The following DCBLD1 variants were observed in gnomAD, a reference collection of about 807,000 sequenced individuals.
DCBLD1 encodes discoidin, CUB and LCCL domain-containing protein 1.
A neutral mutation model predicts 71.5 loss-of-function variants in DCBLD1; 57 were observed. The ratio of observed to expected loss-of-function variants is 0.80; its 90% CI spans 0.64 to 0.99. The LOEUF is 0.99. Among genes scored for constraint, DCBLD1 ranks in the 50% least tolerant of loss-of-function variants. The pLI is 0.00. For missense variants in DCBLD1, 891 were observed against 923.5 expected, an observed-to-expected ratio of 0.96 and a Z score of 0.46; for synonymous variants, 380 against 363.8, an observed-to-expected ratio of 1.04 and a Z score of -0.51.
chr6:117,519,897 C>T lies in DCBLD1; in HGVS notation c.407C>T (p.Ser136Phe). The T allele has an allele frequency of 1.2e-6, 2 of 1,614,132 alleles. No individual in the cohort carries two copies. Among genetic ancestry groups the T allele is most frequent in the Non-Finnish European group, 1.7e-6 (2 of 1,180,002 alleles). The change falls in exon 3 of 15, where the codon TCC becomes TTC. Residue 136 changes from serine (S) to phenylalanine (F), a missense_variant. Transcript: ENST00000338728. ...SEVTVRFESG[S>F]HISGRGFLLT... Reference sequence around the variant, plus strand: ...GTAACCGTCCGCTTTGAGAGTGGATCCCACATTTCTGGCCGGGGTTTTTTG... The same window carrying T: ...GTAACCGTCCGCTTTGAGAGTGGATTCCACATTTCTGGCCGGGGTTTTTTG...
intron 2 of DCBLD1, among the ~76,000 whole-genome samples, chr6:117,511,990 CAGAA>C (rs747155705): frequency 6.6e-6 from 1 of 152,152 alleles, no homozygotes; most frequent in Non-Finnish European, 1.5e-5. Flanking sequence ...AGATAGAATT[CAGAA>C]AGAATCTTGA....
intron 14 of DCBLD1, among the ~76,000 whole-genome samples, chr6:117,567,649 A>G (rs1644412331): frequency 6.6e-6 from 1 of 152,070 alleles, no homozygotes; most frequent in African/African-American, 2.4e-5. Context: ...ACTAATAGTA[A>G]TTACTATATT....
chr6:117,544,446 A>G (rs1779198644), intron 12 of DCBLD1, 82 bp from the exon 13 acceptor site: 10 of 1,440,580 alleles, frequency 6.9e-6, no homozygotes, highest in East Asian at 4.6e-5. Flanking sequence ...GGTAAGTACT[A>G]TTATGATCCT....
intron 5 of DCBLD1, among the ~76,000 whole-genome samples, chr6:117,530,513 G>C (rs11759243): frequency 6.6e-6 from 1 of 152,142 alleles, no homozygotes; most frequent in African/African-American, 2.4e-5. Flanking sequence ...TGTGTGGCCC[G>C]GTTCCTAACA....
Position 117,538,747 on chromosome 6 carries a change from C to T in DCBLD1, c.888C>T (p.Gly296=), listed in dbSNP as rs745333307. 3.7e-6 allele frequency: 6 copies of T among 1,614,154 alleles called. No individual in the cohort carries two copies. The Admixed American group carries it at 1.0e-4, about 27-fold the overall frequency. The change falls in exon 8 of 15, where the codon GGC becomes GGT. Residue 296 remains glycine (G), a synonymous_variant. Transcript: ENST00000338728. Reference sequence around the variant, plus strand: ...GCCAAGCCCGACTTCAGGACCAAGGCCCATCATGGGCTTCGGGCGACAGTA... The same window carrying T: ...GCCAAGCCCGACTTCAGGACCAAGGTCCATCATGGGCTTCGGGCGACAGTA... ...SPGQARLQDQ[G]PSWASGDSSN...
chr6:117,507,323 A>G (rs1777875941), intron 2 of DCBLD1, among the ~76,000 whole-genome samples: 1 of 152,250 alleles, frequency 6.6e-6, no homozygotes, highest in African/African-American at 2.4e-5. Flanking sequence ...CAACTTTCAC[A>G]GTAATCCAGC....
intron 2 of DCBLD1, among the ~76,000 whole-genome samples, chr6:117,515,273 T>C (rs9374666): frequency 0.096 from 14,605 of 151,792 alleles, 1,887 homozygotes; most frequent in African/African-American, 0.29. Context: ...CCGCTCACCT[T>C]GGCCTCCCAC....
chr6:117,527,739 CTT>C (rs760204425), intron 5 of DCBLD1, among the ~76,000 whole-genome samples: 2 of 151,890 alleles, frequency 1.3e-5, no homozygotes, highest in African/African-American at 2.4e-5. Flanking sequence ...GATAGACTGT[CTT>C]TGTGTGGGAA....
rs537986385 is a variant in DCBLD1 at position 117,516,156 on chromosome 6, A to G, written c.326-3660A>G. On this transcript the variant is annotated intron_variant, in intron 2 of 14. Transcript: ENST00000338728. ...ATCACGAGGTCCGGAGATCGAGACT[A>G]TACTGGCTAACACAGTGAAACCCCA... Among the ~76,000 whole-genome samples, 14 of 151,818 alleles carry G rather than the reference A, an allele frequency of 9.2e-5. 1 individual carries two copies. The highest frequency in any genetic ancestry group is 2.0e-4 in the Admixed American group (3 of 15,236).
intron 2 of DCBLD1, among the ~76,000 whole-genome samples, chr6:117,510,269 G>A (rs949441117): frequency 2.6e-5 from 4 of 151,530 alleles, no homozygotes; most frequent in African/African-American, 7.3e-5. Context: ...AGTCGTTGAT[G>A]TTATTCCTTC....
chr6:117,487,108 G>A (rs1777115461), intron 1 of DCBLD1, among the ~76,000 whole-genome samples: 1 of 152,126 alleles, frequency 6.6e-6, no homozygotes. Flanking sequence ...TGCCAAAAAG[G>A]TTGGTGACCA....
At chr6:117,494,743 G>A (rs951695184) in intron 1 of DCBLD1, 1 of 152,092 alleles carries the variant, frequency 6.6e-6, no homozygotes, top group African/African-American at 2.4e-5. Context: ...TATAACTTCA[G>A]TATCATTTTT....
intron 1 of DCBLD1, among the ~76,000 whole-genome samples, chr6:117,502,498 G>A (rs1481588374): frequency 6.6e-6 from 1 of 151,922 alleles, no homozygotes; most frequent in African/African-American, 2.4e-5. Context: ...TTACCATTTG[G>A]CCCCAACACC....
At position 117,548,277 on chromosome 6, in the gene DCBLD1, CA is replaced by C; in HGVS notation, c.1987del (p.Arg663GlyfsTer49). ...GGCCACACAGCGCACAGCCTGCGGACAGGGGCTACGACCGGCCCAAAGCTGT... is the reference window on the plus strand; with the variant it reads ...GGCCACACAGCGCACAGCCTGCGGACGGGGCTACGACCGGCCCAAAGCTGT... The part of the protein sequence containing the change: ...QRPHSAQPAD[R>X]GYDRPKAVSA... On this transcript the variant is annotated frameshift_variant, in exon 15 of 15. Coordinates refer to ENST00000338728, the MANE Select transcript of DCBLD1 (RefSeq NM_001366458.2). LOFTEE classifies it low-confidence loss of function (END_TRUNC). The C allele has an allele frequency of 6.4e-7, 1 of 1,550,664 alleles. No homozygotes were observed. Among genetic ancestry groups the C allele is most frequent in the South Asian group, 1.2e-5 (1 of 84,062 alleles).
chr6:117,503,706 A>T, intron 1 of DCBLD1, 61 bp from the exon 2 acceptor site: 1 of 1,568,386 alleles, frequency 6.4e-7, no homozygotes. Context: ...TGGACTCTCA[A>T]TCCTCAGTAA....
chr6:117,552,896 T>C (rs1416485952), downstream of DCBLD1, among the ~76,000 whole-genome samples: 1 of 152,222 alleles, frequency 6.6e-6, no homozygotes, highest in African/African-American at 2.4e-5. Flanking sequence ...CTAGATCCCA[T>C]CATTTTCCTC....
Position 117,482,839 on chromosome 6 carries a change from C to G in DCBLD1, c.58C>G (p.Leu20Val). 8.5e-7 allele frequency: 1 copy of G among 1,176,120 alleles called. No individual in the cohort carries two copies. Among genetic ancestry groups the G allele is most frequent in the Non-Finnish European group, 1.0e-6 (1 of 953,038 alleles). The allele number at this position is 1,176,120 out of a possible 1,614,324, so 72.9% of individuals were successfully genotyped here. Reference protein sequence around the residue: ...ALARAAGRGLLALLLAVSAPL... With the variant: ...ALARAAGRGLVALLLAVSAPL... Reference sequence around the variant, plus strand: ...GGCGCGGGCTGCCGGGCGGGGCCTCCTGGCTTTGCTGCTCGCGGTCTCCGC... The same window carrying G: ...GGCGCGGGCTGCCGGGCGGGGCCTCGTGGCTTTGCTGCTCGCGGTCTCCGC... Residue 20 changes from leucine (L) to valine (V), a missense_variant, in exon 1 of 15, where the codon CTG becomes GTG. Leu to Val is a conservative substitution (Grantham distance 32). Transcript: ENST00000338728.
intron 1 of DCBLD1, among the ~76,000 whole-genome samples, chr6:117,489,182 C>T (rs1271894511): frequency 6.6e-6 from 1 of 152,098 alleles, no homozygotes; most frequent in African/African-American, 2.4e-5. Flanking sequence ...TGGTGAGGGC[C>T]TCAGGAAGCT....
At chr6:117,546,444 C>T (rs1779267306) in intron 14 of DCBLD1, among the ~76,000 whole-genome samples, 1 of 152,126 alleles carries the variant, frequency 6.6e-6, no homozygotes, top group South Asian at 2.1e-4. Context: ...CCAGGTGACG[C>T]CTGTGCACAT....
Sources: gnomAD v4.1 joint callset for allele counts (sites outside exome capture counted in the v4.1 genomes callset) on GRCh38, gnomAD v4.1.1 for gene constraint, MANE v1.5 for transcripts, NCBI Gene and HGNC (gene_info 2026-07-23, HGNC 2026-07-21) for gene names.